Variants in TMTC1 observed in about 807,000 individuals in gnomAD.
TMTC1 encodes the protein protein O-mannosyl-transferase TMTC1.
A neutral mutation model predicts 104.8 loss-of-function variants in TMTC1; 73 were observed. The observed-to-expected ratio is 0.70, with a 90% CI of 0.58 to 0.85. The LOEUF (loss-of-function observed/expected upper bound fraction) is 0.85. Ranked by LOEUF, TMTC1 falls within the 40% of genes least tolerant of loss-of-function variation. The probability of loss-of-function intolerance (pLI) is 0.00; values close to 1 mark genes in which losing one functional copy is unlikely to be tolerated. For missense variants in TMTC1, 1,035 were observed against 1,096.1 expected, an observed-to-expected ratio of 0.94 and a Z score of 0.79; for synonymous variants, 434 against 428.7, an observed-to-expected ratio of 1.01 and a Z score of -0.15.
intron 5 of TMTC1, among the ~76,000 whole-genome samples, chr12:29,633,581 G>A (rs1938406896): frequency 6.6e-6 from 1 of 152,010 alleles, no homozygotes; most frequent in East Asian, 1.9e-4. Flanking sequence ...TACAGATACA[G>A]TTTCCATGAC....
At chr12:29,737,526 A>T (rs1374613033) in intron 5 of TMTC1, among the ~76,000 whole-genome samples, 2 of 152,192 alleles carry the variant, frequency 1.3e-5, no homozygotes, top group African/African-American at 4.8e-5. Flanking sequence ...AAAATAAAAA[A>T]TAAAAATAAA....
At chr12:29,604,070 G>T in intron 7 of TMTC1, 108 bp downstream of exon 7, 1 of 1,408,356 alleles carries the variant, frequency 7.1e-7, no homozygotes, top group Non-Finnish European at 9.8e-7. Flanking sequence ...AATATCCCTT[G>T]TCCCATGAGG....
At chr12:29,561,174 C>A (rs1331402430) in intron 9 of TMTC1, among the ~76,000 whole-genome samples, 1 of 148,130 alleles carries the variant, frequency 6.8e-6, no homozygotes, top group African/African-American at 2.6e-5. Context: ...GACAGTGAAA[C>A]CCCATCTTTT....
At chr12:29,555,327 T>A (rs1945212228) in intron 10 of TMTC1, among the ~76,000 whole-genome samples, 4 of 151,674 alleles carry the variant, frequency 2.6e-5, no homozygotes, top group Admixed American at 2.6e-4. Flanking sequence ...TTTATTTATT[T>A]ATTTTTTTAA....
chr12:29,663,806 C>T (rs187739374), intron 5 of TMTC1, among the ~76,000 whole-genome samples: 5 of 151,652 alleles, frequency 3.3e-5, no homozygotes, highest in South Asian at 2.1e-4. Context: ...CGTGAGCCAC[C>T]ACACCCAGCC....
At chr12:29,576,281 T>C (rs1368428380) in intron 8 of TMTC1, among the ~76,000 whole-genome samples, 2 of 152,198 alleles carry the variant, frequency 1.3e-5, no homozygotes, top group African/African-American at 4.8e-5. Context: ...TATTTGTGAT[T>C]TTGCTGCCTG....
intron 7 of TMTC1, among the ~76,000 whole-genome samples, chr12:29,600,618 T>G (rs1946538934): frequency 6.6e-6 from 1 of 152,170 alleles, no homozygotes; most frequent in African/African-American, 2.4e-5. Context: ...ATTCCTAAGA[T>G]TCCTCCCGTG....
At position 29,751,713 on chromosome 12, in the gene TMTC1, C is replaced by G. The variant is rs369388096; in HGVS notation, c.891G>C (p.Lys297Asn). 17 of 1,613,988 alleles carry G rather than the reference C, an allele frequency of 1.1e-5. No individual in the cohort carries two copies. The East Asian group carries it at 3.8e-4, about 36-fold the overall frequency. Residue 297 changes from lysine (K) to asparagine (N), a missense_variant, in exon 5 of 18, where the codon AAG becomes AAC. Lys to Asn is a moderately conservative substitution (Grantham distance 94, BLOSUM62 0). Transcript: ENST00000539277. ...GTGGGGACACTGGGAATCCACTGCT[C>G]TTGGGTTCTGGTGGCAGTGGAGAGT... ...GCHSPLPPEP[K>N]SSGFPVSPRA... is the part of the protein sequence containing the mutation.
intron 11 of TMTC1, among the ~76,000 whole-genome samples, chr12:29,525,584 CTT>C (rs35435790): frequency 6.9e-5 from 10 of 145,362 alleles, no homozygotes; most frequent in Admixed American, 3.5e-4. Context: ...CATGAAAAGC[CTT>C]TTTTTTTTTT....
chr12:29,735,839 G>A (rs974990304), intron 5 of TMTC1, among the ~76,000 whole-genome samples: 4 of 152,156 alleles, frequency 2.6e-5, no homozygotes, highest in East Asian at 3.9e-4. Context: ...AGGTGTTGCC[G>A]TAGGTGAAAA....
intron 1 of TMTC1, 46 bp from the exon 2 acceptor site, chr12:29,768,121 T>C: frequency 7.2e-7 from 1 of 1,397,514 alleles, no homozygotes; most frequent in Non-Finnish European, 9.7e-7. Flanking sequence ...AGCTACAAAC[T>C]CAACATAAAC....
At chr12:29,756,788 T>C (rs1943225896) in intron 3 of TMTC1, among the ~76,000 whole-genome samples, 1 of 152,196 alleles carries the variant, frequency 6.6e-6, no homozygotes, top group Admixed American at 6.5e-5. Flanking sequence ...CTCCTTAGTG[T>C]TCTTAGAACA....
chr12:29,652,552 T>C (rs1939571562), intron 5 of TMTC1, among the ~76,000 whole-genome samples: 2 of 152,346 alleles, frequency 1.3e-5, no homozygotes, highest in South Asian at 4.1e-4. Flanking sequence ...TAGTGTAATG[T>C]TCATAGAAGC....
chr12:29,511,004 A>G (rs1257586234), intron 17 of TMTC1, among the ~76,000 whole-genome samples: 1 of 152,118 alleles, frequency 6.6e-6, no homozygotes, highest in Admixed American at 6.6e-5. Flanking sequence ...GGGCCTCTGC[A>G]CGTGCTTGTG....
chr12:29,557,942 C>T (rs890870722), intron 9 of TMTC1, among the ~76,000 whole-genome samples: 2 of 152,036 alleles, frequency 1.3e-5, no homozygotes, highest in African/African-American at 4.8e-5. Flanking sequence ...ACAGAAAATA[C>T]TAAGAACTTA....
At chr12:29,692,232 A>T (rs1941288892) in intron 5 of TMTC1, among the ~76,000 whole-genome samples, 1 of 144,636 alleles carries the variant, frequency 6.9e-6, no homozygotes, top group Non-Finnish European at 1.5e-5. Context: ...TAATCATACC[A>T]CTTTATTCTC....
At chr12:29,560,134 G>A (rs1369958986) in intron 9 of TMTC1, among the ~76,000 whole-genome samples, 1 of 152,128 alleles carries the variant, frequency 6.6e-6, no homozygotes, top group Admixed American at 6.5e-5. Context: ...TACATCAATT[G>A]TCGGAATAAA....
rs184196330 is a variant in TMTC1 at position 29,708,254 on chromosome 12, C to T, written c.938+43412G>A. ...TGATTCACTTTGCTTTACTCTGGTACTGTGCCTGGCACAAGATTTTAATAA... is the reference window on the plus strand; with the variant it reads ...TGATTCACTTTGCTTTACTCTGGTATTGTGCCTGGCACAAGATTTTAATAA... On this transcript the variant is annotated intron_variant, in intron 5 of 17. Transcript: ENST00000539277. 2.0e-5 allele frequency among the ~76,000 whole-genome samples: 3 copies of T among 152,332 alleles called. No homozygotes were observed. In the East Asian group the frequency reaches 5.8e-4, roughly 29 times the overall value.
chr12:29,537,108 G>A (rs554400051), intron 10 of TMTC1, among the ~76,000 whole-genome samples: 25 of 152,266 alleles, frequency 1.6e-4, no homozygotes, highest in African/African-American at 6.0e-4. Flanking sequence ...TATTGGAAGT[G>A]ATCAAGTTTG....
Sources: gnomAD v4.1 joint callset for allele counts (sites outside exome capture counted in the v4.1 genomes callset) on GRCh38, gnomAD v4.1.1 for gene constraint, MANE v1.5 for transcripts, NCBI Gene and HGNC (gene_info 2026-07-23, HGNC 2026-07-21) for gene names.